The following EVL variants were observed in gnomAD, a reference collection of about 807,000 sequenced individuals.
EVL encodes Enah/Vasp-like.
EVL carries 21 observed loss-of-function variants against 59.6 expected under a neutral mutation model. The observed-to-expected ratio is 0.35, with a 90% CI of 0.25 to 0.51. The LOEUF (loss-of-function observed/expected upper bound fraction) is 0.51. Among genes scored for constraint, EVL ranks in the 20% least tolerant of loss-of-function variants. The pLI is 0.97. For synonymous variants in EVL, 198 were observed against 203.5 expected, an observed-to-expected ratio of 0.97 and a Z score of 0.23; for missense variants, 462 against 546.6, an observed-to-expected ratio of 0.85 and a Z score of 1.54.
At chr14:100,115,941 T>G (rs1310609011) in intron 3 of EVL, among the ~76,000 whole-genome samples, 1 of 152,226 alleles carries the variant, frequency 6.6e-6, no homozygotes, top group Admixed American at 6.5e-5. Flanking sequence ...GTTTGTTTAT[T>G]AATCAGTGCT....
intron 1 of EVL, among the ~76,000 whole-genome samples, chr14:100,051,520 C>T (rs2061647202): frequency 6.6e-6 from 1 of 152,168 alleles, no homozygotes; most frequent in South Asian, 2.1e-4. Flanking sequence ...TTTCTTTTTA[C>T]TTATAACAGC....
chr14:100,111,115 AG>A (rs965284626), intron 3 of EVL, among the ~76,000 whole-genome samples: 24 of 149,902 alleles, frequency 1.6e-4, no homozygotes, highest in African/African-American at 5.9e-4. Flanking sequence ...ACCTTGAGCA[AG>A]CCATTTCACC....
chr14:100,116,177 G>A (rs1595208754), intron 3 of EVL, among the ~76,000 whole-genome samples: 1 of 152,224 alleles, frequency 6.6e-6, no homozygotes, highest in African/African-American at 2.4e-5. Flanking sequence ...TGTAACAAGA[G>A]GGAAAGGTGT....
chr14:100,114,974 C>T lies in EVL; in HGVS notation c.359-8565C>T, dbSNP rs1379640596. ...GGCACATGACCTCGGGTAGCTTTTC[C>T]GAGCCTCAGTTTCCCCACCTATAAA... On this transcript the variant is annotated intron_variant, in intron 3 of 13. Transcript: ENST00000392920. This position sits in a 1 kb window ranked among gnomAD's most constrained non-coding sequence, Gnocchi z 5.0. Among the ~76,000 whole-genome samples, 4 of 151,978 alleles carry T rather than the reference C, an allele frequency of 2.6e-5. No individual in the cohort carries two copies. Among genetic ancestry groups the T allele is most frequent in the East Asian group, 1.9e-4 (1 of 5,174 alleles).
At chr14:100,120,060 A>C (rs899309128) in intron 3 of EVL, among the ~76,000 whole-genome samples, 1 of 152,228 alleles carries the variant, frequency 6.6e-6, no homozygotes, top group African/African-American at 2.4e-5. Flanking sequence ...AGGCTGGGTC[A>C]GCAGCTCTGT....
chr14:99,985,159 T>C (rs2060832097), intron 1 of EVL, among the ~76,000 whole-genome samples: 1 of 151,938 alleles, frequency 6.6e-6, no homozygotes, highest in Admixed American at 6.6e-5. Flanking sequence ...GTACCTACTA[T>C]ATGCAAGATA....
chr14:100,096,829 G>A (rs1038301003), intron 2 of EVL: 5 of 152,192 alleles, frequency 3.3e-5, no homozygotes, highest in African/African-American at 1.2e-4. Flanking sequence ...TGCTGGGCCT[G>A]GCATTGCTCC....
intron 1 of EVL, among the ~76,000 whole-genome samples, chr14:100,035,338 G>GTTTTT (rs33999027): frequency 6.7e-6 from 1 of 149,080 alleles, no homozygotes. Flanking sequence ...CAGTGTATGT[G>GTTTTT]TTTTTTTTTC....
At chr14:100,118,285 A>T (rs939543928) in intron 3 of EVL, among the ~76,000 whole-genome samples, 6 of 152,060 alleles carry the variant, frequency 3.9e-5, no homozygotes, top group Non-Finnish European at 7.4e-5. Context: ...GCGTGCCCAG[A>T]TTTTCCCTCT....
At chr14:100,059,658 C>A (rs769708052) in intron 1 of EVL, among the ~76,000 whole-genome samples, 2 of 152,008 alleles carry the variant, frequency 1.3e-5, no homozygotes, top group Admixed American at 6.5e-5. Flanking sequence ...CCCAGAACAC[C>A]TCAGGCATTC....
chr14:100,128,566 G>C lies in EVL; in HGVS notation c.535G>C (p.Val179Leu), dbSNP rs754119420. 1 of 1,609,344 alleles carries C rather than the reference G, an allele frequency of 6.2e-7. No individual in the cohort carries two copies. The highest frequency in any genetic ancestry group is 1.3e-5 in the African/African-American group (1 of 74,586). ...GHPSSAASAP[V>L]SCSGPPPPPP... ...TCCTTCATCTGCAGCCAGCGCCCCC[G>C]TCTCATGTAGTGGGCCTCCACCGCC... The change falls in exon 6 of 14, where the codon GTC becomes CTC. Residue 179 changes from valine (V) to leucine (L), a missense_variant. Val to Leu is a conservative substitution (Grantham distance 32). Coordinates refer to ENST00000392920, the MANE Select transcript of EVL (RefSeq NM_016337.3).
At chr14:99,973,531 C>G (rs573235206) in intron 1 of EVL, among the ~76,000 whole-genome samples, 1 of 152,266 alleles carries the variant, frequency 6.6e-6, no homozygotes, top group Non-Finnish European at 1.5e-5. Flanking sequence ...GGTGCGATCT[C>G]GGCTCACTGC....
At chr14:100,118,179 G>A (rs1887470266) in intron 3 of EVL, among the ~76,000 whole-genome samples, 1 of 152,130 alleles carries the variant, frequency 6.6e-6, no homozygotes, top group Non-Finnish European at 1.5e-5. Context: ...CCTACACCTG[G>A]GCCACGCCTG....
At chr14:99,996,870 C>T (rs532762770) in intron 1 of EVL, among the ~76,000 whole-genome samples, 2 of 152,274 alleles carry the variant, frequency 1.3e-5, no homozygotes, top group South Asian at 2.1e-4. Flanking sequence ...AGGCTGGCCT[C>T]GAACTCCTGA....
chr14:100,070,078 AAG>A (rs1165019901), intron 1 of EVL, among the ~76,000 whole-genome samples: 5 of 150,490 alleles, frequency 3.3e-5, no homozygotes, highest in African/African-American at 1.2e-4. Context: ...AAAAAAAAAA[AAG>A]AAAGAAAGAA....
At chr14:100,143,388 C>T (rs1889316088) in intron 13 of EVL, among the ~76,000 whole-genome samples, 1 of 152,142 alleles carries the variant, frequency 6.6e-6, no homozygotes, top group Non-Finnish European at 1.5e-5. Context: ...AGCAGCTCCT[C>T]ACACCAGAGT....
intron 3 of EVL, among the ~76,000 whole-genome samples, chr14:100,098,816 G>A (rs1431236112): frequency 9.2e-5 from 14 of 152,180 alleles, no homozygotes; most frequent in Admixed American, 8.5e-4. Context: ...GTTACTGAAT[G>A]TTTTTGTGCC....
chr14:99,973,753 G>T (rs1003416771), intron 1 of EVL, among the ~76,000 whole-genome samples: 6 of 152,136 alleles, frequency 3.9e-5, no homozygotes, highest in Non-Finnish European at 7.4e-5. Context: ...ATGAGCCACC[G>T]AAAATAGTTT....
At chr14:100,067,191 G>A (rs550180624) in intron 1 of EVL, among the ~76,000 whole-genome samples, 2 of 152,340 alleles carry the variant, frequency 1.3e-5, no homozygotes, top group Middle Eastern at 3.4e-3. Flanking sequence ...TGGAAGCAGC[G>A]TTCGTGGAGC....
Sources: gnomAD v4.1 joint callset for allele counts (sites outside exome capture counted in the v4.1 genomes callset) on GRCh38, gnomAD v4.1.1 for gene constraint, Gnocchi (gnomAD v3.1) non-coding constraint, MANE v1.5 for transcripts, NCBI Gene and HGNC (gene_info 2026-07-23, HGNC 2026-07-21) for gene names.